Variants in AQP9 observed in about 807,000 individuals in gnomAD.
The protein encoded by AQP9 is aquaporin 9, also known as aquaporin-9.
A neutral mutation model predicts 23.8 loss-of-function variants in AQP9; 19 were observed. The ratio of observed to expected loss-of-function variants is 0.80; its 90% CI spans 0.56 to 1.17. The LOEUF is 1.17. Among genes scored for constraint, AQP9 ranks in the 50% most tolerant of loss-of-function variants. The probability of loss-of-function intolerance (pLI) is 0.00; values close to 1 mark genes in which losing one functional copy is unlikely to be tolerated. For synonymous variants in AQP9, 153 were observed against 131.5 expected, an observed-to-expected ratio of 1.16 and a Z score of -1.12; for missense variants, 413 against 362.0, an observed-to-expected ratio of 1.14 and a Z score of -1.14.
At chr15:58,154,511 A>T (rs965187266) in intron 1 of AQP9, 3 of 152,098 alleles carry the variant, frequency 2.0e-5, no homozygotes, top group Non-Finnish European at 2.9e-5. Context: ...CAGAATCCTC[A>T]CGCAACCACC....
At chr15:58,144,869 C>T (rs1898013748) in intron 1 of AQP9, among the ~76,000 whole-genome samples, 1 of 151,830 alleles carries the variant, frequency 6.6e-6, no homozygotes, top group African/African-American at 2.4e-5. Context: ...CAAAAATTAG[C>T]TGGGCATGAT....
At chr15:58,164,242 T>C (rs544089135) in intron 1 of AQP9, 1 of 152,280 alleles carries the variant, frequency 6.6e-6, no homozygotes, top group East Asian at 1.9e-4. Flanking sequence ...ATGTGCCCTC[T>C]AGACTGGAAC....
At chr15:58,174,852 C>G in intron 3 of AQP9, 66 bp from the exon 4 acceptor site, 1 of 1,373,762 alleles carries the variant, frequency 7.3e-7, no homozygotes, top group Non-Finnish European at 1.0e-6. Flanking sequence ...TAGCACAAGG[C>G]TTGGCACAGG....
chr15:58,165,845 C>T (rs922397113), intron 1 of AQP9, among the ~76,000 whole-genome samples: 5 of 152,192 alleles, frequency 3.3e-5, no homozygotes, highest in Non-Finnish European at 7.3e-5. Context: ...TGCTTACTAT[C>T]AGCACAGCAC....
intron 5 of AQP9, 116 bp from the exon 6 acceptor site, chr15:58,183,845 G>T (rs1362247817): frequency 8.4e-7 from 1 of 1,188,648 alleles, no homozygotes; most frequent in Non-Finnish European, 1.2e-6. Flanking sequence ...CTTAGCTCTT[G>T]CTGAGTTAAG....
chr15:58,168,300 G>A (rs146908414), intron 2 of AQP9, among the ~76,000 whole-genome samples: 2 of 152,128 alleles, frequency 1.3e-5, no homozygotes, highest in South Asian at 4.1e-4. Flanking sequence ...CAAAGTGCTA[G>A]GATTACAGGC....
chr15:58,179,156 T>C lies in AQP9; in HGVS notation c.524T>C (p.Ile175Thr), dbSNP rs200634549. 1 of 1,613,578 alleles carries C rather than the reference T, an allele frequency of 6.2e-7. No individual in the cohort carries two copies. Among genetic ancestry groups the C allele is most frequent in the Non-Finnish European group, 8.5e-7 (1 of 1,179,470 alleles). Residue 175 changes from isoleucine (I) to threonine (T), a missense_variant, in exon 5 of 6, where the codon ATC (isoleucine) becomes ACC (threonine). Ile to Thr is a moderately conservative substitution (Grantham distance 89). Coordinates refer to ENST00000219919, the MANE Select transcript of AQP9 (RefSeq NM_020980.5). ...GTGGCCACCATGATACTCCTCATAA[T>C]CGTCTTTGCCATCTTTGACTCCAGA... ...QVVATMILLI[I>T]VFAIFDSRNL...
rs1481080200 is a variant in AQP9, at chr15:58,185,418, G to T, written c.*1283G>T. On this transcript the variant is annotated 3_prime_UTR_variant, in exon 6 of 6. Transcript: ENST00000219919. The stretch of plus-strand genomic sequence containing the variant: ...ATCTTAAGATACAAAGACCCTCATT[G>T]TCTGGGTCTATTCCCACACTTACTG... 6.6e-6 allele frequency: 1 copy of T among 152,660 alleles called. No homozygotes were observed. Among genetic ancestry groups the T allele is most frequent in the Non-Finnish European group, 1.5e-5 (1 of 68,044 alleles). 9.5% of individuals were successfully genotyped at this position (152,660 alleles called of 1,614,324 possible). A position where few individuals can be genotyped will look rare whatever the true frequency, so the allele number is the denominator to read the frequency against.
chr15:58,161,461 T>A (rs939428921), intron 1 of AQP9, among the ~76,000 whole-genome samples: 13 of 152,174 alleles, frequency 8.5e-5, no homozygotes, highest in Non-Finnish European at 1.9e-4. Flanking sequence ...ATCCTGCCAA[T>A]TATGAAATGG....
intron 2 of AQP9, among the ~76,000 whole-genome samples, chr15:58,168,223 G>T (rs1374642603): frequency 6.6e-6 from 1 of 151,518 alleles, no homozygotes; most frequent in Non-Finnish European, 1.5e-5. Flanking sequence ...TAGAGACAGG[G>T]TCTTGCCATG....
At chr15:58,140,038 C>T (rs1239475572) in intron 1 of AQP9, among the ~76,000 whole-genome samples, 8 of 152,192 alleles carry the variant, frequency 5.3e-5, no homozygotes, top group African/African-American at 1.7e-4. Flanking sequence ...GAGACTGAGA[C>T]CCCTCTGTCA....
At position 58,151,553 on chromosome 15, in the gene AQP9, C is replaced by T. The variant is rs188483379; in HGVS notation, c.111+12877C>T. On this transcript the variant is annotated intron_variant, in intron 1 of 5. Coordinates refer to ENST00000219919, the MANE Select transcript of AQP9 (RefSeq NM_020980.5). ...ATTACCTCTTGTAATTCTAGCAAGC[C>T]AACATCACCTTTCCAATGAGTCACC... 2.0e-5 allele frequency: 3 copies of T among 152,106 alleles called. No homozygotes were observed. The East Asian group carries it at 5.8e-4, about 29-fold the overall frequency. The allele number at this position is 152,106 out of a possible 1,614,324, so 9.4% of individuals were successfully genotyped here.
intron 2 of AQP9, among the ~76,000 whole-genome samples, chr15:58,168,620 T>A (rs1898558192): frequency 6.6e-6 from 1 of 152,222 alleles, no homozygotes; most frequent in South Asian, 2.1e-4. Flanking sequence ...TGGACTGTGA[T>A]GGTGGGATCA....
intron 1 of AQP9, among the ~76,000 whole-genome samples, chr15:58,140,334 T>C (rs1432733949): frequency 6.6e-6 from 1 of 152,224 alleles, no homozygotes; most frequent in Non-Finnish European, 1.5e-5. Flanking sequence ...TGGCCTTGTG[T>C]CTTCCCCACT....
intron 3 of AQP9, 26 bp from the exon 4 acceptor site, chr15:58,174,892 A>C: frequency 6.3e-7 from 1 of 1,593,230 alleles, no homozygotes; most frequent in Non-Finnish European, 8.6e-7. Context: ...GGGAACACTA[A>C]TGTGCCAGAG....
chr15:58,154,151 C>G (rs751724663), intron 1 of AQP9: 19 of 152,192 alleles, frequency 1.2e-4, no homozygotes, highest in Admixed American at 2.0e-4. Flanking sequence ...TTTAAATTCT[C>G]CAATATACTA....
intron 1 of AQP9, among the ~76,000 whole-genome samples, chr15:58,163,790 G>GA (rs1242788404): frequency 5.3e-5 from 8 of 151,770 alleles, no homozygotes; most frequent in Admixed American, 2.6e-4. Flanking sequence ...ATTTTTGGAG[G>GA]AAAAAAAATA....
chr15:58,182,014 T>A (rs1214402488), intron 5 of AQP9, among the ~76,000 whole-genome samples: 1 of 152,120 alleles, frequency 6.6e-6, no homozygotes, highest in Non-Finnish European at 1.5e-5. Flanking sequence ...CAAGGCTACC[T>A]TGTTCCCAGG....
chr15:58,155,604 C>T (rs1167642068), intron 1 of AQP9: 2 of 152,112 alleles, frequency 1.3e-5, no homozygotes, highest in African/African-American at 2.4e-5. Context: ...TCATCAGACC[C>T]TGACAAAATC....
Sources: allele counts gnomAD v4.1 joint callset (sites outside exome capture counted in the v4.1 genomes callset), GRCh38; gene constraint gnomAD v4.1.1; transcripts MANE v1.5; gene names NCBI Gene and HGNC (gene_info 2026-07-23, HGNC 2026-07-21).